Variants in RLF observed in about 807,000 individuals in gnomAD.
RLF encodes the protein RLF zinc finger.
A neutral mutation model predicts 162.9 loss-of-function variants in RLF; 7 were observed. That is an observed-to-expected ratio of 0.04 (90% CI 0.02 to 0.08). The LOEUF (loss-of-function observed/expected upper bound fraction) is 0.08, where lower values mean the gene tolerates loss of function less well. RLF is among the 10% of genes least tolerant of loss of function. The pLI, the probability that RLF is intolerant of heterozygous loss-of-function variation, is 1.00. For synonymous variants in RLF, 782 were observed against 791.5 expected (o/e 0.99, Z 0.20); for missense variants, 1,664 against 2,244.7 (o/e 0.74, Z 5.23).
Position 40,240,022 on chromosome 1 carries a change from C to T in RLF, c.5320C>T (p.Leu1774=), listed in dbSNP as rs755515073. The T allele has an allele frequency of 6.2e-7, 1 of 1,614,052 alleles. No homozygotes were observed. The highest frequency in any genetic ancestry group is 8.5e-7 in the Non-Finnish European group (1 of 1,180,002). Residue 1774 remains leucine (L), a synonymous_variant, in exon 8 of 8, where the codon CTG becomes TTG. Transcript: ENST00000372771. Reference sequence around the variant, plus strand: ...ACCTATGGGATTTGAATCTTCATTTCTGAAATTTATTCAGGAAAGTGAAGA... The same window carrying T: ...ACCTATGGGATTTGAATCTTCATTTTTGAAATTTATTCAGGAAAGTGAAGA... ...YKPMGFESSF[L]KFIQESEEKE...
intron 6 of RLF, among the ~76,000 whole-genome samples, chr1:40,225,785 G>GAGA (rs907680543): frequency 6.9e-5 from 10 of 145,962 alleles, no homozygotes; most frequent in South Asian, 2.2e-4. Context: ...GCTGAGGCAG[G>GAGA]AGAATAGTGT....
At position 40,232,522 on chromosome 1, in the gene RLF, T is replaced by C. The variant is rs79252329; in HGVS notation, c.1089+864T>C. On this transcript the variant is annotated intron_variant, in intron 7 of 7. Transcript: ENST00000372771. ...CTCTGTGGAAAATCCACTTCAAAGCTTATTCTTATCGACAGGTTTCAGTTC... is the reference window on the plus strand; with the variant it reads ...CTCTGTGGAAAATCCACTTCAAAGCCTATTCTTATCGACAGGTTTCAGTTC... 1.5e-3 allele frequency among the ~76,000 whole-genome samples: 233 copies of C among 152,304 alleles called. 4 individuals are homozygous for C. The East Asian group carries it at 0.041, about 26-fold the overall frequency.
intron 5 of RLF, among the ~76,000 whole-genome samples, chr1:40,221,917 A>AG (rs1553175889): frequency 6.7e-6 from 1 of 150,284 alleles, no homozygotes; most frequent in African/African-American, 2.5e-5. Flanking sequence ...AAAAAAAAAA[A>AG]AGAGAAAGGA....
At chr1:40,182,691 G>A (rs1468069837) in intron 1 of RLF, among the ~76,000 whole-genome samples, 1 of 152,074 alleles carries the variant, frequency 6.6e-6, no homozygotes, top group Non-Finnish European at 1.5e-5. Flanking sequence ...GGCTGAGATT[G>A]ATGGACTGAA....
intron 2 of RLF, 144 bp downstream of exon 2, chr1:40,189,353 C>G (rs61334141): frequency 4.8e-6 from 3 of 631,556 alleles, no homozygotes; most frequent in African/African-American, 3.7e-5. Flanking sequence ...TTCCTACTCA[C>G]GTTCCCAGGA....
chr1:40,235,776 C>G lies in RLF; in HGVS notation c.1090-16C>G. On this transcript the variant is annotated splice_polypyrimidine_tract_variant and intron_variant, in intron 7 of 7. Coordinates refer to ENST00000372771, the MANE Select transcript of RLF (RefSeq NM_012421.4). ...GTATGCAAAAAAATAATTTTTTTAT[C>G]CTCTTTTACTTACAGGCACAAGATG... The G allele has an allele frequency of 1.4e-6, 2 of 1,472,496 alleles. No homozygotes were observed. The highest frequency in any genetic ancestry group is 1.8e-6 in the Non-Finnish European group (2 of 1,109,750). 91.2% of individuals were successfully genotyped at this position (1,472,496 alleles called of 1,614,324 possible). A position where few individuals can be genotyped will look rare whatever the true frequency, so the allele number is the denominator to read the frequency against.
Position 40,238,865 on chromosome 1 carries a change from A to G in RLF, c.4163A>G (p.Asn1388Ser). The G allele has an allele frequency of 6.2e-7, 1 of 1,614,204 alleles. No homozygotes were observed. The highest frequency in any genetic ancestry group is 8.5e-7 in the Non-Finnish European group (1 of 1,180,014). The change falls in exon 8 of 8, where the codon AAC becomes AGC. Residue 1388 changes from asparagine (N) to serine (S), a missense_variant. By Grantham distance (46) the Asn-to-Ser change is conservative. Around this residue, in one of 15 missense-constraint regions of RLF, gnomAD observed 200 missense variants for 207.3 expected, o/e 0.96. Coordinates refer to ENST00000372771, the MANE Select transcript of RLF (RefSeq NM_012421.4). The surrounding 1 kb of genome is among the most constrained non-coding windows in gnomAD (Gnocchi z 5.2). ...ALAKHCSDSHNLDHIEEPKVL... is the reference protein window; with the variant it reads ...ALAKHCSDSHSLDHIEEPKVL... ...GCTAAGCACTGTAGTGATTCTCATA[A>G]CCTAGACCATATTGAAGAGCCTAAA...
At position 40,207,812 on chromosome 1, in the gene RLF, C is replaced by T. The variant is rs376055112; in HGVS notation, c.810+5198C>T. Among the ~76,000 whole-genome samples the T allele has an allele frequency of 2.8e-4, 43 of 152,178 alleles. 1 individual carries two copies. Among genetic ancestry groups the T allele is most frequent in the African/African-American group, 7.0e-4 (29 of 41,518 alleles). Reference sequence around the variant, plus strand: ...TTTTAGTAGAGACAGGGTTTTGCCACGTTGCCCAGGCTGGTCTCCAACTCC... The same window carrying T: ...TTTTAGTAGAGACAGGGTTTTGCCATGTTGCCCAGGCTGGTCTCCAACTCC... On this transcript the variant is annotated intron_variant, in intron 5 of 7. Transcript: ENST00000372771.
intron 6 of RLF, among the ~76,000 whole-genome samples, chr1:40,227,974 G>A (rs1211701494): frequency 1.3e-5 from 2 of 151,994 alleles, no homozygotes; most frequent in East Asian, 1.9e-4. Context: ...CTGCACTCCA[G>A]CCTGAGGGAC....
At chr1:40,187,310 G>A (rs1049202881) in intron 1 of RLF, among the ~76,000 whole-genome samples, 21 of 152,316 alleles carry the variant, frequency 1.4e-4, no homozygotes, top group East Asian at 7.7e-4. Context: ...GATTACAGGC[G>A]TGAGCCACAG....
chr1:40,208,894 A>G (rs548376980), intron 5 of RLF, among the ~76,000 whole-genome samples: 1 of 152,320 alleles, frequency 6.6e-6, no homozygotes, highest in East Asian at 1.9e-4. Flanking sequence ...TAGTAGTAAG[A>G]TGTCCAGTAA....
chr1:40,214,746 C>A (rs1642902278), intron 5 of RLF, among the ~76,000 whole-genome samples: 1 of 151,056 alleles, frequency 6.6e-6, no homozygotes, highest in African/African-American at 2.4e-5. Flanking sequence ...CATGTAGAGA[C>A]CCTGTGTCTA....
rs774246178 is a variant in RLF, at chr1:40,238,242, A to G, written c.3540A>G (p.Ser1180=). The G allele has an allele frequency of 1.1e-5, 17 of 1,614,028 alleles. No homozygotes were observed. In the Admixed American group the frequency reaches 2.0e-4, roughly 19 times the overall value. Residue 1180 remains serine, a synonymous_variant, in exon 8 of 8, where the codon TCA becomes TCG. Coordinates refer to ENST00000372771, the MANE Select transcript of RLF (RefSeq NM_012421.4). This position sits in a 1 kb window ranked among gnomAD's most constrained non-coding sequence, Gnocchi z 5.2. ...TTCAGTGTCATATTTGCCAAAGGTC[A>G]TTTACAAGAAAAACACACCTTAGGA... ...SPFQCHICQR[S]FTRKTHLRIH... is the part of the protein sequence containing the mutation.
intron 1 of RLF, among the ~76,000 whole-genome samples, chr1:40,186,899 C>G (rs1286744027): frequency 4.6e-5 from 7 of 152,130 alleles, no homozygotes; most frequent in Middle Eastern, 3.2e-3. Flanking sequence ...CTTTAAGGAA[C>G]ATAAATCTGG....
At chr1:40,181,378 C>T (rs896688530) in intron 1 of RLF, among the ~76,000 whole-genome samples, 4 of 152,026 alleles carry the variant, frequency 2.6e-5, no homozygotes, top group African/African-American at 9.7e-5. Flanking sequence ...TGCATTGAGC[C>T]GAGATGGCAC....
rs112713650 is a variant in RLF, at chr1:40,237,457, T to C, written c.2755T>C (p.Ser919Pro). The C allele has an allele frequency of 6.2e-7, 1 of 1,614,072 alleles. No individual in the cohort carries two copies. Residue 919 changes from serine to proline, a missense_variant, in exon 8 of 8, where the codon TCT becomes CCT. Transcript: ENST00000372771. The surrounding 1 kb of genome is among the most constrained non-coding windows in gnomAD (Gnocchi z 4.4). ...AGAGCTAATTGACACACTAGATCAC[T>C]CTGAAACTATGCAGGATGTATTGTT... ...NEELIDTLDH[S>P]ETMQDVLLSN...
At chr1:40,219,972 T>TG (rs1368125452) in intron 5 of RLF, among the ~76,000 whole-genome samples, 1 of 152,062 alleles carries the variant, frequency 6.6e-6, no homozygotes, top group Non-Finnish European at 1.5e-5. Context: ...ACTGGCCAGG[T>TG]GCGGTGGCTC....
chr1:40,166,775 G>A (rs536677906), intron 1 of RLF, among the ~76,000 whole-genome samples: 2 of 145,616 alleles, frequency 1.4e-5, no homozygotes, highest in Admixed American at 7.2e-5. Flanking sequence ...AACACCGCAC[G>A]TTCTCACTCA....
intron 1 of RLF, among the ~76,000 whole-genome samples, chr1:40,185,844 A>AAAAAC (rs1642472389): frequency 7.8e-5 from 1 of 12,812 alleles, no homozygotes; most frequent in Non-Finnish European, 1.6e-4. Context: ...AAAAAAAAGC[A>AAAAAC]AAAAAAAAAA....
Sources: allele counts gnomAD v4.1 joint callset (sites outside exome capture counted in the v4.1 genomes callset), GRCh38; gene constraint gnomAD v4.1.1; regional missense constraint gnomAD v4.1.1; non-coding constraint Gnocchi (gnomAD v3.1); transcripts MANE v1.5; gene names NCBI Gene and HGNC (gene_info 2026-07-23, HGNC 2026-07-21).